RGS6: variants seen among roughly 807,000 people sequenced by gnomAD.
The protein encoded by RGS6 is regulator of G protein signaling 6, also known as regulator of G-protein signaling 6.
RGS6 carries 30 observed loss-of-function variants against 78.5 expected under a neutral mutation model. The observed-to-expected ratio is 0.38, with a 90% CI of 0.29 to 0.52. The LOEUF (loss-of-function observed/expected upper bound fraction) is 0.52. RGS6 is among the 20% of genes least tolerant of loss of function. RGS6 has a pLI of 0.85. For synonymous variants in RGS6, 206 were observed against 206.0 expected (o/e 1.00, Z 0.00); for missense variants, 495 against 609.7 (o/e 0.81, Z 1.98).
At chr14:72,236,341 C>T (rs896643070) in intron 2 of RGS6, among the ~76,000 whole-genome samples, 1 of 152,154 alleles carries the variant, frequency 6.6e-6, no homozygotes, top group Admixed American at 6.5e-5. Context: ...AATCAGTACA[C>T]TTCACCACTA....
intron 3 of RGS6, among the ~76,000 whole-genome samples, chr14:72,377,406 A>G (rs2085029170): frequency 6.6e-6 from 1 of 152,222 alleles, no homozygotes; most frequent in East Asian, 1.9e-4. Flanking sequence ...AGCAAATATT[A>G]TTAGATCTAA....
intron 17 of RGS6, chr14:72,547,428 G>C (rs1002274454): frequency 9.6e-7 from 1 of 1,040,008 alleles, no homozygotes; most frequent in Non-Finnish European, 1.4e-6. Context: ...GGAAACAACA[G>C]GGGATGCTTC....
the RGS6 span, among the ~76,000 whole-genome samples, chr14:72,623,052 A>C: frequency 2.6e-4 from 39 of 152,386 alleles, no homozygotes; most frequent in African/African-American, 9.1e-4. Context: ...ATATTCAGAG[A>C]AAACAAGCAA....
chr14:72,454,794 T>G (rs560326867), intron 4 of RGS6, among the ~76,000 whole-genome samples: 6 of 152,222 alleles, frequency 3.9e-5, no homozygotes, highest in Non-Finnish European at 8.8e-5. Flanking sequence ...ATGAGCAACT[T>G]TTTAGAATGC....
intron 2 of RGS6, among the ~76,000 whole-genome samples, chr14:72,055,735 C>G (rs1255706083): frequency 6.6e-6 from 1 of 152,080 alleles, no homozygotes; most frequent in Non-Finnish European, 1.5e-5. Flanking sequence ...GAAATCTTGA[C>G]AAGCAAGCAT....
the RGS6 span, among the ~76,000 whole-genome samples, chr14:71,924,052 A>G: frequency 2.6e-5 from 4 of 152,004 alleles, no homozygotes; most frequent in African/African-American, 7.2e-5. Context: ...TCATCCATTC[A>G]TTTATGTTTT....
the RGS6 span, among the ~76,000 whole-genome samples, chr14:72,589,231 C>T: frequency 6.6e-6 from 1 of 152,186 alleles, no homozygotes; most frequent in African/African-American, 2.4e-5. Context: ...GAGGTTCTCA[C>T]CTGCTGCTGG....
At chr14:72,333,575 T>C (rs977659295) in intron 2 of RGS6, among the ~76,000 whole-genome samples, 1 of 152,226 alleles carries the variant, frequency 6.6e-6, no homozygotes, top group Non-Finnish European at 1.5e-5. Flanking sequence ...GCTGTCAGAA[T>C]CACATTTCTC....
chr14:71,931,969 G>A (rs1302664383), upstream of RGS6, among the ~76,000 whole-genome samples: 2 of 152,182 alleles, frequency 1.3e-5, no homozygotes, highest in Admixed American at 6.5e-5. Context: ...GCGGTGTCCC[G>A]TTTTAATTTA....
intron 2 of RGS6, among the ~76,000 whole-genome samples, chr14:72,318,190 C>T (rs571486919): frequency 6.6e-6 from 1 of 152,214 alleles, no homozygotes; most frequent in South Asian, 2.1e-4. Context: ...AGCCCAAGAA[C>T]TTGGAGCTGA....
intron 3 of RGS6, among the ~76,000 whole-genome samples, chr14:72,383,174 G>GTA (rs1263107660): frequency 2.4e-4 from 6 of 24,530 alleles, no homozygotes; most frequent in Non-Finnish European, 3.8e-4. Context: ...TGAAAAAATT[G>GTA]TACATATATA....
chr14:72,535,454 T>C (rs2153497024), intron 15 of RGS6, among the ~76,000 whole-genome samples: 1 of 152,380 alleles, frequency 6.6e-6, no homozygotes, highest in South Asian at 2.1e-4. Context: ...CTGTGCTGTT[T>C]ACCCAGTTTG....
intron 2 of RGS6, among the ~76,000 whole-genome samples, chr14:72,084,061 A>T (rs974715848): frequency 6.6e-6 from 1 of 152,174 alleles, no homozygotes; most frequent in Non-Finnish European, 1.5e-5. Flanking sequence ...AAATAATAAT[A>T]TCCTAGAACA....
At chr14:72,589,947 A>C in the RGS6 span, among the ~76,000 whole-genome samples, 1 of 152,194 alleles carries the variant, frequency 6.6e-6, no homozygotes, top group Non-Finnish European at 1.5e-5. Context: ...TCTTACAACT[A>C]AATAAGAGGA....
chr14:71,946,772 A>T (rs1208028761), intron 1 of RGS6, among the ~76,000 whole-genome samples: 1 of 152,182 alleles, frequency 6.6e-6, no homozygotes, highest in East Asian at 1.9e-4. Flanking sequence ...GATCAAATGC[A>T]AGGAATGTGC....
chr14:72,096,702 C>T (rs2095415581), intron 2 of RGS6, among the ~76,000 whole-genome samples: 1 of 152,098 alleles, frequency 6.6e-6, no homozygotes, highest in Non-Finnish European at 1.5e-5. Context: ...AGTCTGGTGG[C>T]TGGGTTCTGA....
At chr14:72,021,348 C>T (rs2088443653) in intron 2 of RGS6, among the ~76,000 whole-genome samples, 1 of 152,074 alleles carries the variant, frequency 6.6e-6, no homozygotes, top group African/African-American at 2.4e-5. Context: ...CTGTGGCCAC[C>T]AAAGCACTGG....
At chr14:72,603,536 C>A in the RGS6 span, among the ~76,000 whole-genome samples, 1 of 152,246 alleles carries the variant, frequency 6.6e-6, no homozygotes, top group African/African-American at 2.4e-5. Context: ...TCAAGGATCC[C>A]TGTATTCATC....
At chr14:72,001,419 C>A (rs12884202) in intron 2 of RGS6, among the ~76,000 whole-genome samples, 94,697 of 151,008 alleles carry the variant, frequency 0.63, 30,297 homozygotes, top group South Asian at 0.71. Flanking sequence ...GCCCAAATCC[C>A]AAAAGGAACT....
Sources: gnomAD v4.1 joint callset for allele counts (sites outside exome capture counted in the v4.1 genomes callset) on GRCh38, gnomAD v4.1.1 for gene constraint, MANE v1.5 for transcripts, NCBI Gene and HGNC (gene_info 2026-07-23, HGNC 2026-07-21) for gene names.